Variants in TAB2 observed in about 807,000 individuals in gnomAD.
TAB2 encodes TGF-beta activated kinase 1 (MAP3K7) binding protein 2.
In TAB2, 3 loss-of-function variants were observed where a neutral mutation model predicts 65.0. That is an observed-to-expected ratio of 0.05 (90% confidence interval 0.02 to 0.12). The LOEUF (loss-of-function observed/expected upper bound fraction) is 0.12, where lower values mean the gene tolerates loss of function less well. TAB2 is among the 10% of genes least tolerant of loss of function. The pLI is 1.00. For missense variants in TAB2, 623 were observed against 840.3 expected, an observed-to-expected ratio of 0.74 and a Z score of 3.20; for synonymous variants, 298 against 285.1, an observed-to-expected ratio of 1.05 and a Z score of -0.46.
At chr6:149,237,150 G>A (rs1777510204) in intron 1 of TAB2, among the ~76,000 whole-genome samples, 1 of 152,186 alleles carries the variant, frequency 6.6e-6, no homozygotes, top group Non-Finnish European at 1.5e-5. Context: ...GGTGTACAAA[G>A]GTGCTCTTGA....
At chr6:149,252,380 A>G (rs1777880021) in intron 1 of TAB2, among the ~76,000 whole-genome samples, 2 of 150,564 alleles carry the variant, frequency 1.3e-5, no homozygotes, top group Admixed American at 1.3e-4. Context: ...AACCTGGGCA[A>G]CAAGAGCAAA....
intron 1 of TAB2, among the ~76,000 whole-genome samples, chr6:149,261,537 G>T (rs1285859823): frequency 6.6e-6 from 1 of 152,168 alleles, no homozygotes; most frequent in Non-Finnish European, 1.5e-5. Flanking sequence ...CAACCACAAA[G>T]ATGAAAGGGA....
chr6:149,403,248 ATATATATATAT>A (rs1223500405), intron 6 of TAB2, among the ~76,000 whole-genome samples: 4 of 30,580 alleles, frequency 1.3e-4, no homozygotes, highest in African/African-American at 6.0e-4. Flanking sequence ...AAAAAAAAAA[ATATATATATAT>A]ATATATATAT....
intron 1 of TAB2, among the ~76,000 whole-genome samples, chr6:149,236,721 T>G (rs1777502235): frequency 1.3e-5 from 2 of 152,224 alleles, no homozygotes; most frequent in South Asian, 4.1e-4. Context: ...TGGAGTTATC[T>G]GGCAATGCTG....
chr6:149,309,403 C>CTTTTTT (rs565648269), intron 1 of TAB2, among the ~76,000 whole-genome samples: 6,412 of 140,970 alleles, frequency 0.045, 535 homozygotes, highest in African/African-American at 0.16. Context: ...AATAATTCCT[C>CTTTTTT]TTTTTTTTTT....
chr6:149,261,637 A>G (rs1051053091), intron 1 of TAB2, among the ~76,000 whole-genome samples: 2 of 152,156 alleles, frequency 1.3e-5, no homozygotes, highest in Non-Finnish European at 2.9e-5. Context: ...TAAAGCTCCA[A>G]ATTATATTTA....
In TAB2 at chr6:149,396,064, C is replaced by T. The variant is rs562924610; in HGVS notation, c.1604-1540C>T. ...TTGGAGTCTCACTCTGTCATCCAGG[C>T]TGGAGTGCAGTGGTGTGATCTCGGC... On this transcript the variant is annotated intron_variant, in intron 3 of 6. Coordinates refer to ENST00000637181, the MANE Select transcript of TAB2 (RefSeq NM_001292034.3). 2.0e-5 allele frequency among the ~76,000 whole-genome samples: 3 copies of T among 152,280 alleles called. No homozygotes were observed. In the East Asian group the frequency reaches 5.8e-4, roughly 29 times the overall value.
At chr6:149,397,921 T>C (rs781319112) in intron 4 of TAB2, 48 bp from the exon 5 acceptor site, 1 of 1,591,534 alleles carries the variant, frequency 6.3e-7, no homozygotes, top group Admixed American at 1.7e-5. Flanking sequence ...TATTAACTAA[T>C]GACTAAGAAT....
chr6:149,322,155 G>T (rs1779476991), intron 1 of TAB2, among the ~76,000 whole-genome samples: 1 of 152,094 alleles, frequency 6.6e-6, no homozygotes, highest in Admixed American at 6.5e-5. Context: ...CCAGATGCTG[G>T]AGGTGCCGTA....
rs9498340 is a variant in TAB2, at chr6:149,377,070, A to T, written c.103-948A>T. ...ACTTTAAATGCTACAAATGTAACTT[A>T]TTTTTTTTTTTTTTTTTGAGACAGA... On this transcript the variant is annotated intron_variant, in intron 2 of 6. Transcript: ENST00000637181. 1.7e-3 allele frequency among the ~76,000 whole-genome samples: 157 copies of T among 89,914 alleles called. 2 individuals are homozygous for T. The highest frequency in any genetic ancestry group is 2.2e-3 in the African/African-American group (55 of 25,232). The allele number at this position is 89,914 out of a possible 152,430, so 59.0% of individuals were successfully genotyped here.
At chr6:149,253,918 T>A (rs1777914700) in intron 1 of TAB2, among the ~76,000 whole-genome samples, 1 of 75,770 alleles carries the variant, frequency 1.3e-5, no homozygotes, top group Non-Finnish European at 2.9e-5. Flanking sequence ...AGAGACTCCA[T>A]CTCGAAAGAA....
intron 1 of TAB2, among the ~76,000 whole-genome samples, chr6:149,248,958 C>A (rs78670048): frequency 0.022 from 3,358 of 152,226 alleles, 123 homozygotes; most frequent in African/African-American, 0.076. Context: ...CACCATCCCC[C>A]ATACACATAC....
At chr6:149,386,205 G>T in intron 3 of TAB2, among the ~76,000 whole-genome samples, 1 of 152,120 alleles carries the variant, frequency 6.6e-6, no homozygotes, top group East Asian at 1.9e-4. Flanking sequence ...TTCACTAAAT[G>T]AGAACAGTAC....
At chr6:149,377,152 C>T (rs1160280729) in intron 2 of TAB2, among the ~76,000 whole-genome samples, 1 of 150,680 alleles carries the variant, frequency 6.6e-6, no homozygotes, top group East Asian at 2.0e-4. Context: ...TCACTGCAAG[C>T]TCCGCCTCCC....
At chr6:149,400,706 A>G (rs963856980) in intron 6 of TAB2, 2 of 1,603,628 alleles carry the variant, frequency 1.2e-6, no homozygotes, top group African/African-American at 2.7e-5. Context: ...TTTACTCCAG[A>G]ACGCTGTTCT....
chr6:149,402,824 A>G (rs1782481533), intron 6 of TAB2, among the ~76,000 whole-genome samples: 1 of 152,228 alleles, frequency 6.6e-6, no homozygotes, highest in South Asian at 2.1e-4. Flanking sequence ...GGTTCAACAT[A>G]CACAAATCAG....
intron 5 of TAB2, 98 bp from the exon 6 acceptor site, chr6:149,399,006 T>TTATA (rs1164265084): frequency 3.9e-6 from 4 of 1,028,238 alleles, no homozygotes; most frequent in Non-Finnish European, 5.9e-6. Context: ...AAAGCATTTC[T>TTATA]TATAGCGTGT....
intron 1 of TAB2, among the ~76,000 whole-genome samples, chr6:149,302,857 C>G (rs1778993783): frequency 6.6e-6 from 1 of 152,240 alleles, no homozygotes; most frequent in Non-Finnish European, 1.5e-5. Flanking sequence ...CTGTTAGGAA[C>G]TGGGCCACAC....
intron 1 of TAB2, among the ~76,000 whole-genome samples, chr6:149,254,006 GAAAGAAAGAAAGAAAGA>G (rs1777932537): frequency 7.2e-6 from 1 of 139,012 alleles, no homozygotes; most frequent in East Asian, 2.1e-4. Context: ...AAGAAAGAAA[GAAAGAAAGAAAGAAAGA>G]AAAGAAAGAA....
Sources: gnomAD v4.1 joint callset for allele counts (sites outside exome capture counted in the v4.1 genomes callset) on GRCh38, gnomAD v4.1.1 for gene constraint, MANE v1.5 for transcripts, NCBI Gene and HGNC (gene_info 2026-07-23, HGNC 2026-07-21) for gene names.